The following GSG1 variants were observed in gnomAD, a reference collection of about 807,000 sequenced individuals.
GSG1 encodes germ cell associated 1, also known as germ cell-specific gene 1 protein.
In GSG1, 28 loss-of-function variants were observed where a neutral mutation model predicts 30.8. The observed-to-expected ratio is 0.91, with a 90% CI of 0.67 to 1.25. GSG1 has a LOEUF of 1.25. GSG1 is among the 50% of genes most tolerant of loss of function. The pLI, the probability that GSG1 is intolerant of heterozygous loss-of-function variation, is 0.00. For synonymous variants in GSG1, 162 were observed against 178.0 expected, an observed-to-expected ratio of 0.91 and a Z score of 0.71; for missense variants, 435 against 444.7, an observed-to-expected ratio of 0.98 and a Z score of 0.20.
chr12:13,088,990 A>G, intron 3 of GSG1, 81 bp from the exon 4 acceptor site: 1 of 1,528,956 alleles, frequency 6.5e-7, no homozygotes, highest in Non-Finnish European at 9.0e-7. Flanking sequence ...CATAACTGGT[A>G]CTGCTCCCTC....
intron 1 of GSG1, chr12:13,095,702 C>G: frequency 1.3e-5 from 20 of 1,597,056 alleles, no homozygotes; most frequent in Non-Finnish European, 1.7e-5. Flanking sequence ...AAACTGTCTT[C>G]CTACCCTCCT....
At chr12:13,088,729 G>A (rs1591626643) in intron 4 of GSG1, 133 bp downstream of exon 4, 7 of 1,610,814 alleles carry the variant, frequency 4.3e-6, no homozygotes, top group Non-Finnish European at 5.9e-6. Context: ...TTCCTTATCA[G>A]ACACATACTT....
intron 1 of GSG1, among the ~76,000 whole-genome samples, chr12:13,092,238 G>GATGT (rs150137307): frequency 3.4e-5 from 5 of 148,344 alleles, no homozygotes; most frequent in Admixed American, 1.4e-4. Flanking sequence ...TCCTAGGGAG[G>GATGT]ATGTATGTGT....
At chr12:13,092,079 A>G (rs1297154279) in intron 1 of GSG1, among the ~76,000 whole-genome samples, 2 of 152,254 alleles carry the variant, frequency 1.3e-5, no homozygotes, top group Non-Finnish European at 2.9e-5. Flanking sequence ...GCAGCAATAC[A>G]CAGAAGTAGG....
intron 5 of GSG1, 72 bp from the exon 6 acceptor site, chr12:13,087,335 G>T (rs1038415670): frequency 5.1e-6 from 6 of 1,171,394 alleles, no homozygotes; most frequent in Non-Finnish European, 6.4e-6. Context: ...TACGATTTTG[G>T]ATCACCCTTC....
At chr12:13,097,873 T>G (rs550762219) in intron 1 of GSG1, among the ~76,000 whole-genome samples, 3 of 152,332 alleles carry the variant, frequency 2.0e-5, no homozygotes, top group East Asian at 3.9e-4. Flanking sequence ...TTTCCCATTC[T>G]ATATTTGTGC....
chr12:13,087,287 A>G, intron 5 of GSG1, 24 bp from the exon 6 acceptor site: 1 of 1,567,622 alleles, frequency 6.4e-7, no homozygotes, highest in Non-Finnish European at 8.8e-7. Flanking sequence ...AGGAAGGCAG[A>G]GCCCTTAGAG....
chr12:13,099,759 T>TGTTG (rs1555128112), intron 1 of GSG1, among the ~76,000 whole-genome samples: 3 of 144,706 alleles, frequency 2.1e-5, no homozygotes, highest in Non-Finnish European at 1.5e-5. Flanking sequence ...TGTTTTTTTT[T>TGTTG]TTTTTTTTTG....
Position 13,090,814 on chromosome 12 carries a change from T to A in GSG1, c.53A>T (p.Glu18Val), listed in dbSNP as rs374196061. 87 of 1,608,170 alleles carry A rather than the reference T, an allele frequency of 5.4e-5. No individual in the cohort carries two copies. The highest frequency in any genetic ancestry group is 5.8e-5 in the Non-Finnish European group (68 of 1,176,690). The change falls in exon 2 of 7, where the codon GAG (glutamate) becomes GTG (valine). Residue 18 changes from glutamate (E) to valine (V), a missense_variant. Physicochemically the swap from Glu to Val is moderately radical, Grantham distance 121. Coordinates refer to ENST00000651961, the MANE Select transcript of GSG1 (RefSeq NM_001080555.4). ...CTGGCCAGAGAAGGCCTTCGAGAGC[T>A]CCATCTGTAATAGACAAGCACAAGT... ...TQNVCLTQEMELSKAFSGQRT... is the reference protein window; with the variant it reads ...TQNVCLTQEMVLSKAFSGQRT...
In GSG1 at chr12:13,098,456, A is replaced by ATTTTTTTTT. The variant is rs771887535; in HGVS notation, c.48+5000_48+5008dup. ...CTTGTAGGATTGTTTCATGTAGCCC[A>ATTTTTTTTT]TTTTTTTTTTTTTTTTTTTTTTTTT... On this transcript the variant is annotated intron_variant, in intron 1 of 6. Transcript: ENST00000651961. Among the ~76,000 whole-genome samples the ATTTTTTTTT allele has an allele frequency of 5.7e-4, 27 of 47,398 alleles. 4 individuals are homozygous for ATTTTTTTTT. The highest frequency in any genetic ancestry group is 9.2e-4 in the Non-Finnish European group (24 of 26,092). The allele number at this position is 47,398 out of a possible 152,430, so 31.1% of individuals were successfully genotyped here. A position where few individuals can be genotyped will look rare whatever the true frequency, so the allele number is the denominator to read the frequency against.
At chr12:13,098,456 ATTTTTTTTTTTTTTTTTTTTT>A (rs771887535) in intron 1 of GSG1, among the ~76,000 whole-genome samples, 4 of 47,384 alleles carry the variant, frequency 8.4e-5, no homozygotes, top group South Asian at 8.2e-4. Context: ...CATGTAGCCC[ATTTTTTTTTTTTTTTTTTTTT>A]TTTTTTTTTT....
chr12:13,085,170 G>T lies in GSG1; in HGVS notation c.820C>A (p.Leu274Met). The part of the protein sequence containing the change: ...TTFNTYTRMV[L>M]EFKCKHSKSF... ...TTACTATGCTTGCACTTGAACTCCA[G>T]CACCATCCTGGTGTACGTGTTGAAG... Residue 274 changes from leucine (L) to methionine (M), a missense_variant, in exon 7 of 7, where the codon CTG (leucine) becomes ATG (methionine). Leu to Met is a conservative substitution (Grantham distance 15). Coordinates refer to ENST00000651961, the MANE Select transcript of GSG1 (RefSeq NM_001080555.4). 4 of 1,613,954 alleles carry T rather than the reference G, an allele frequency of 2.5e-6. No individual in the cohort carries two copies. Among genetic ancestry groups the T allele is most frequent in the Non-Finnish European group, 3.4e-6 (4 of 1,179,912 alleles).
chr12:13,088,614 TC>T (rs1865781601), intron 4 of GSG1: 1 of 830,380 alleles, frequency 1.2e-6, no homozygotes, highest in Non-Finnish European at 1.9e-6. Flanking sequence ...GAAAGTCAGC[TC>T]AAGGAGGAAT....
chr12:13,087,114 G>C, intron 6 of GSG1, 38 bp downstream of exon 6: 1 of 1,408,134 alleles, frequency 7.1e-7, no homozygotes, highest in Non-Finnish European at 1.0e-6. Context: ...GTGAAGGTTG[G>C]CTGGGGCTAC....
intron 3 of GSG1, 27 bp downstream of exon 3, chr12:13,089,181 G>A: frequency 6.5e-7 from 1 of 1,549,996 alleles, no homozygotes; most frequent in Non-Finnish European, 8.7e-7. Flanking sequence ...GTCCAGAAGA[G>A]TTAATGATCT....
At chr12:13,095,421 G>A (rs868309775) in intron 1 of GSG1, among the ~76,000 whole-genome samples, 12 of 152,176 alleles carry the variant, frequency 7.9e-5, no homozygotes, top group Admixed American at 3.9e-4. Flanking sequence ...TAGGAAGTGC[G>A]TAGGCGCCAA....
chr12:13,090,527 A>C lies in GSG1; in HGVS notation c.340T>G (p.Cys114Gly). 1 of 1,612,374 alleles carries C rather than the reference A, an allele frequency of 6.2e-7. No individual in the cohort carries two copies. The highest frequency in any genetic ancestry group is 8.5e-7 in the Non-Finnish European group (1 of 1,178,558). The change falls in exon 2 of 7, where the codon TGT becomes GGT. Residue 114 changes from cysteine (C) to glycine (G), a missense_variant. Transcript: ENST00000651961. The part of the protein sequence containing the change: ...RSFRSGMWLS[C>G]EETVEEPALL... ...CCTGGTTCTTCCACAGTTTCCTCAC[A>C]GGATAGCCACATGCCACTCCGGAAG...
At chr12:13,092,618 A>G (rs2120810982) in intron 1 of GSG1, among the ~76,000 whole-genome samples, 1 of 152,258 alleles carries the variant, frequency 6.6e-6, no homozygotes, top group East Asian at 1.9e-4. Flanking sequence ...CAAGATTTCA[A>G]GCTGCCATTA....
chr12:13,094,419 T>C (rs985144903), intron 1 of GSG1, among the ~76,000 whole-genome samples: 4 of 152,238 alleles, frequency 2.6e-5, no homozygotes, highest in Admixed American at 2.6e-4. Context: ...CTGCCAAGAA[T>C]TGTCAGTTCT....
Sources: gnomAD v4.1 joint callset for allele counts (sites outside exome capture counted in the v4.1 genomes callset) on GRCh38, gnomAD v4.1.1 for gene constraint, MANE v1.5 for transcripts, NCBI Gene and HGNC (gene_info 2026-07-23, HGNC 2026-07-21) for gene names.